The following MINDY2 variants were observed in gnomAD, a reference collection of about 807,000 sequenced individuals.
MINDY2 encodes the protein ubiquitin carboxyl-terminal hydrolase MINDY-2.
MINDY2 carries 52 observed loss-of-function variants against 68.2 expected under a neutral mutation model. The observed-to-expected ratio is 0.76, with a 90% CI of 0.61 to 0.96. MINDY2 has a LOEUF of 0.96. MINDY2 is among the 40% of genes least tolerant of loss of function. MINDY2 has a pLI of 0.00. For synonymous variants in MINDY2, 372 were observed against 303.0 expected (o/e 1.23, Z -2.36); for missense variants, 881 against 773.4 (o/e 1.14, Z -1.65).
chr15:58,835,221 C>A (rs147861805), intron 6 of MINDY2, among the ~76,000 whole-genome samples: 62 of 152,152 alleles, frequency 4.1e-4, no homozygotes, highest in African/African-American at 1.4e-3. Flanking sequence ...TAATTTATTT[C>A]TATTGAGATA....
At chr15:58,790,773 G>C (rs1389924431) in intron 2 of MINDY2, among the ~76,000 whole-genome samples, 1 of 151,980 alleles carries the variant, frequency 6.6e-6, no homozygotes, top group Non-Finnish European at 1.5e-5. Context: ...TCTCATTTTT[G>C]GTTTGAACAA....
intron 6 of MINDY2, among the ~76,000 whole-genome samples, chr15:58,841,980 C>T (rs1476328411): frequency 2.0e-5 from 3 of 151,892 alleles, no homozygotes; most frequent in African/African-American, 7.3e-5. Context: ...CTAGTTGTTG[C>T]ATTTCATTTT....
intron 1 of MINDY2, among the ~76,000 whole-genome samples, chr15:58,778,916 A>G (rs1369278753): frequency 1.4e-5 from 2 of 145,398 alleles, no homozygotes; most frequent in Non-Finnish European, 3.0e-5. Flanking sequence ...GGGTTCATGC[A>G]GTTTCCGGCT....
At chr15:58,773,990 C>CT (rs1183060593) in intron 1 of MINDY2, among the ~76,000 whole-genome samples, 2 of 152,120 alleles carry the variant, frequency 1.3e-5, no homozygotes, top group Non-Finnish European at 2.9e-5. Flanking sequence ...AGTCCCTAAT[C>CT]TTTTTTGTAG....
chr15:58,775,753 C>T (rs1900731749), intron 1 of MINDY2, among the ~76,000 whole-genome samples: 1 of 151,960 alleles, frequency 6.6e-6, no homozygotes, highest in Non-Finnish European at 1.5e-5. Context: ...AAAGTTGATG[C>T]CAAAGTTTGG....
intron 1 of MINDY2, among the ~76,000 whole-genome samples, chr15:58,782,281 A>G (rs1165471581): frequency 2.6e-5 from 4 of 152,106 alleles, no homozygotes. Flanking sequence ...ATATACACAC[A>G]TGTGTATATA....
chr15:58,821,891 T>A (rs1186575789), intron 5 of MINDY2, 72 bp downstream of exon 5: 10 of 969,534 alleles, frequency 1.0e-5, no homozygotes, highest in African/African-American at 1.8e-5. Flanking sequence ...CTTAATATCT[T>A]TCAAATTTCT....
At chr15:58,804,514 C>T (rs1001953223) in intron 3 of MINDY2, among the ~76,000 whole-genome samples, 5 of 151,918 alleles carry the variant, frequency 3.3e-5, no homozygotes, top group African/African-American at 1.2e-4. Flanking sequence ...TCTTAATTTT[C>T]GTGTTTGCAA....
chr15:58,775,233 TATA>T (rs1379645199), intron 1 of MINDY2, among the ~76,000 whole-genome samples: 1 of 152,224 alleles, frequency 6.6e-6, no homozygotes, highest in African/African-American at 2.4e-5. Context: ...AATTTTAATT[TATA>T]ATAAGGTAGA....
At position 58,855,965 on chromosome 15, in the gene MINDY2, A is replaced by G. The variant is rs2033048491; in HGVS notation, c.*1355A>G. 6.6e-6 allele frequency: 1 copy of G among 152,626 alleles called. No homozygotes were observed. The highest frequency in any genetic ancestry group is 2.4e-5 in the African/African-American group (1 of 41,454). 9.5% of individuals were successfully genotyped at this position (152,626 alleles called of 1,614,324 possible). A position where few individuals can be genotyped will look rare whatever the true frequency, so the allele number is the denominator to read the frequency against. On this transcript the variant is annotated 3_prime_UTR_variant, in exon 9 of 9. Coordinates refer to ENST00000559228, the MANE Select transcript of MINDY2 (RefSeq NM_001040450.3). The stretch of plus-strand genomic sequence containing the variant: ...GTAGCTAAGAATTTATGTAAAAGCA[A>G]TCAGAGTTTTTAATTTATGGGAACC...
At position 58,771,593 on chromosome 15, in the gene MINDY2, G is replaced by C. The variant is rs1182532477; in HGVS notation, c.198G>C (p.Ser66=). 6.2e-7 allele frequency: 1 copy of C among 1,611,718 alleles called. No individual in the cohort carries two copies. The highest frequency in any genetic ancestry group is 1.1e-5 in the South Asian group (1 of 91,058). ...AAAARRSLPD[S]ASPAGSPEVP... ...CCGCCAGGAGGAGCCTCCCGGACTC[G>C]GCTTCTCCCGCGGGCTCTCCTGAGG... The change falls in exon 1 of 9, where the codon TCG becomes TCC. Residue 66 remains serine, a synonymous_variant. Transcript: ENST00000559228.
At chr15:58,793,362 A>T (rs1343900319) in intron 2 of MINDY2, among the ~76,000 whole-genome samples, 1 of 151,982 alleles carries the variant, frequency 6.6e-6, no homozygotes, top group Non-Finnish European at 1.5e-5. Context: ...TGAGGAGGAG[A>T]ATCGCTTGAA....
chr15:58,791,255 A>ATATATATATATC (rs1567043814), intron 2 of MINDY2, among the ~76,000 whole-genome samples: 3 of 125,714 alleles, frequency 2.4e-5, no homozygotes, highest in African/African-American at 5.9e-5. Context: ...ATATATATAT[A>ATATATATATATC]TCTTGAGTTC....
intron 3 of MINDY2, among the ~76,000 whole-genome samples, chr15:58,808,502 C>T (rs546426935): frequency 3.3e-5 from 5 of 152,246 alleles, no homozygotes; most frequent in Admixed American, 6.5e-5. Flanking sequence ...TTTACTACTA[C>T]GCATTTAAGT....
At chr15:58,825,525 C>T (rs889824832) in intron 5 of MINDY2, among the ~76,000 whole-genome samples, 11 of 152,134 alleles carry the variant, frequency 7.2e-5, no homozygotes, top group African/African-American at 2.7e-4. Context: ...CAGACTTCAC[C>T]ATAGCTATTC....
chr15:58,843,520 T>C lies in MINDY2; in HGVS notation c.1369-3777T>C, dbSNP rs8039747. ...ATTTAGCCAGTGCTTTCCTCCATAT[T>C]GGATCACAAAAGAACACGGAATGAA... On this transcript the variant is annotated intron_variant, in intron 6 of 8. Coordinates refer to ENST00000559228, the MANE Select transcript of MINDY2 (RefSeq NM_001040450.3). Among the ~76,000 whole-genome samples the C allele has an allele frequency of 4.2e-3, 643 of 152,266 alleles. 5 individuals are homozygous for C. Among genetic ancestry groups the C allele is most frequent in the African/African-American group, 0.015 (624 of 41,538 alleles).
At chr15:58,814,218 G>A (rs1361631493) in intron 4 of MINDY2, among the ~76,000 whole-genome samples, 1 of 152,144 alleles carries the variant, frequency 6.6e-6, no homozygotes, top group African/African-American at 2.4e-5. Flanking sequence ...GCGATTACAG[G>A]CGTGAGCCAT....
chr15:58,825,054 C>T (rs1471344848), intron 5 of MINDY2, among the ~76,000 whole-genome samples: 1 of 152,094 alleles, frequency 6.6e-6, no homozygotes, highest in Admixed American at 6.6e-5. Flanking sequence ...GTAGCTTTCC[C>T]TTTAAATCAA....
At chr15:58,806,238 T>C (rs1595732160) in intron 3 of MINDY2, among the ~76,000 whole-genome samples, 1 of 152,184 alleles carries the variant, frequency 6.6e-6, no homozygotes, top group East Asian at 1.9e-4. Flanking sequence ...CACTCCTGGC[T>C]AATTTTTTTA....
Sources: allele counts gnomAD v4.1 joint callset (sites outside exome capture counted in the v4.1 genomes callset), GRCh38; gene constraint gnomAD v4.1.1; transcripts MANE v1.5; gene names NCBI Gene and HGNC (gene_info 2026-07-23, HGNC 2026-07-21).